The following EBF1 variants were observed in gnomAD, a reference collection of about 807,000 sequenced individuals.
EBF1 encodes EBF transcription factor 1.
A neutral mutation model predicts 68.4 loss-of-function variants in EBF1; 10 were observed. That is an observed-to-expected ratio of 0.15 (90% CI 0.09 to 0.25). EBF1 has a LOEUF of 0.25. EBF1 is among the 10% of genes least tolerant of loss of function. EBF1 has a pLI of 1.00. For missense variants in EBF1, 509 were observed against 794.4 expected, an observed-to-expected ratio of 0.64 and a Z score of 4.32; for synonymous variants, 298 against 299.8, an observed-to-expected ratio of 0.99 and a Z score of 0.06.
At chr5:159,023,369 C>G (rs1024494967) in intron 6 of EBF1, among the ~76,000 whole-genome samples, 7 of 152,080 alleles carry the variant, frequency 4.6e-5, no homozygotes, top group African/African-American at 1.7e-4. Context: ...CAGACTGAAC[C>G]AAGCAACGCC....
intron 10 of EBF1, among the ~76,000 whole-genome samples, chr5:158,744,436 C>T (rs769601658): frequency 1.3e-5 from 2 of 151,972 alleles, no homozygotes; most frequent in Non-Finnish European, 2.9e-5. Flanking sequence ...AGTCAAGCAA[C>T]CAACCAGGAG....
chr5:158,913,908 C>T (rs1424553652), intron 6 of EBF1, among the ~76,000 whole-genome samples: 1 of 152,212 alleles, frequency 6.6e-6, no homozygotes, highest in Admixed American at 6.5e-5. Flanking sequence ...CTACTTGAAA[C>T]CAGGTTAAAT....
chr5:158,722,243 G>T (rs1289487867), intron 11 of EBF1, among the ~76,000 whole-genome samples: 1 of 152,180 alleles, frequency 6.6e-6, no homozygotes, highest in African/African-American at 2.4e-5. Flanking sequence ...GTCAGCACAT[G>T]AAACAAAAAC....
chr5:158,798,353 A>G (rs1385194042), intron 8 of EBF1, among the ~76,000 whole-genome samples: 4 of 152,172 alleles, frequency 2.6e-5, no homozygotes, highest in African/African-American at 9.7e-5. Context: ...CACACAGATC[A>G]CAAAATGGTC....
intron 8 of EBF1, among the ~76,000 whole-genome samples, chr5:158,802,541 C>T (rs934224634): frequency 1.1e-4 from 16 of 152,262 alleles, no homozygotes; most frequent in African/African-American, 3.8e-4. Flanking sequence ...AAGCAGACCA[C>T]TGATGCTTAC....
At chr5:158,919,728 T>A (rs2127398068) in intron 6 of EBF1, among the ~76,000 whole-genome samples, 1 of 152,352 alleles carries the variant, frequency 6.6e-6, no homozygotes, top group Non-Finnish European at 1.5e-5. Context: ...GTTGCATTTA[T>A]TGATCAAACT....
intron 6 of EBF1, among the ~76,000 whole-genome samples, chr5:158,884,637 C>T (rs2128097690): frequency 6.6e-6 from 1 of 152,210 alleles, no homozygotes; most frequent in East Asian, 1.9e-4. Flanking sequence ...ACACACCCGA[C>T]TCAGCCTTTG....
In EBF1 at chr5:158,698,911, C is replaced by G; in HGVS notation, c.*200G>C. On this transcript the variant is annotated 3_prime_UTR_variant, in exon 16 of 16. Coordinates refer to ENST00000313708, the MANE Select transcript of EBF1 (RefSeq NM_024007.5). ...AAATACTTGGGAGGTACAACTTTAA[C>G]CAACACCCTGCACTTGCAGATCCCT... 2 of 457,838 alleles carry G rather than the reference C, an allele frequency of 4.4e-6. No individual in the cohort carries two copies. Among genetic ancestry groups the G allele is most frequent in the South Asian group, 6.0e-5 (1 of 16,678 alleles). 28.4% of individuals were successfully genotyped at this position (457,838 alleles called of 1,614,324 possible).
chr5:158,709,328 T>A (rs1339191302), intron 14 of EBF1, among the ~76,000 whole-genome samples: 2 of 85,106 alleles, frequency 2.4e-5, no homozygotes, highest in East Asian at 4.2e-4. Context: ...ATCACATATA[T>A]TTTTTTTTTT....
intron 7 of EBF1, among the ~76,000 whole-genome samples, chr5:158,829,581 G>A (rs1450000866): frequency 6.6e-6 from 1 of 152,022 alleles, no homozygotes; most frequent in Non-Finnish European, 1.5e-5. Context: ...GGAAACTGGG[G>A]GTTAGGGGAT....
Position 158,698,663 on chromosome 5 carries a change from C to CTTTTTTTTTTTTTTTT in EBF1, c.*447_*448insAAAAAAAAAAAAAAAA, listed in dbSNP as rs1357650531. ...AAGCTTTTTTTTTTTTCCTTTTTTT[C>CTTTTTTTTTTTTTTTT]TTTTTTTTTTTTTTTACTTTTTTGT... On this transcript the variant is annotated 3_prime_UTR_variant, in exon 16 of 16. Coordinates refer to ENST00000313708, the MANE Select transcript of EBF1 (RefSeq NM_024007.5). 6.6e-6 allele frequency: 1 copy of CTTTTTTTTTTTTTTTT among 151,348 alleles called. No homozygotes were observed. The highest frequency in any genetic ancestry group is 2.9e-5 in the African/African-American group (1 of 34,370). The allele number at this position is 151,348 out of a possible 1,614,324, so 9.4% of individuals were successfully genotyped here.
chr5:158,713,150 GAA>G lies in EBF1; in HGVS notation c.1192-5_1192-4del. The G allele has an allele frequency of 6.8e-7, 1 of 1,463,786 alleles. No individual in the cohort carries two copies. The highest frequency in any genetic ancestry group is 9.1e-7 in the Non-Finnish European group (1 of 1,097,938). 90.7% of individuals were successfully genotyped at this position (1,463,786 alleles called of 1,614,324 possible). A position where few individuals can be genotyped will look rare whatever the true frequency, so the allele number is the denominator to read the frequency against. On this transcript the variant is annotated splice_region_variant and splice_polypyrimidine_tract_variant and intron_variant, in intron 12 of 15. Transcript: ENST00000313708. ...GCCGCTCTCTTCAGAATGATTTCCTGAAAAGTCAAAGGAATATCCCCTTCAGC... is the reference window on the plus strand; with the variant it reads ...GCCGCTCTCTTCAGAATGATTTCCTGAAGTCAAAGGAATATCCCCTTCAGC...
chr5:158,727,516 C>T (rs904094963), intron 11 of EBF1, among the ~76,000 whole-genome samples: 4 of 152,172 alleles, frequency 2.6e-5, no homozygotes, highest in Non-Finnish European at 5.9e-5. Flanking sequence ...TCCTCCCCTT[C>T]CTGCCAGGAT....
At chr5:158,959,796 A>G (rs528064028) in intron 6 of EBF1, among the ~76,000 whole-genome samples, 1 of 152,332 alleles carries the variant, frequency 6.6e-6, no homozygotes, top group South Asian at 2.1e-4. Flanking sequence ...TCATTCATAT[A>G]CAAGAATAAA....
chr5:158,904,248 G>A (rs985304720), intron 6 of EBF1, among the ~76,000 whole-genome samples: 2 of 152,178 alleles, frequency 1.3e-5, no homozygotes, highest in Non-Finnish European at 2.9e-5. Context: ...CACAGTGCCT[G>A]CTTGAGAGGG....
At chr5:158,782,677 A>C (rs918866221) in intron 9 of EBF1, among the ~76,000 whole-genome samples, 22 of 152,220 alleles carry the variant, frequency 1.4e-4, no homozygotes, top group Admixed American at 1.4e-3. Flanking sequence ...TAATAAAATA[A>C]AATAAAATAA....
intron 10 of EBF1, among the ~76,000 whole-genome samples, chr5:158,737,285 T>C (rs1765402063): frequency 7.9e-6 from 1 of 127,232 alleles, no homozygotes; most frequent in Non-Finnish European, 1.7e-5. Context: ...TTTTTTTTTT[T>C]TTTTTTTTTT....
chr5:158,875,848 A>G (rs894097128), intron 6 of EBF1, among the ~76,000 whole-genome samples: 1 of 152,232 alleles, frequency 6.6e-6, no homozygotes, highest in Non-Finnish European at 1.5e-5. Context: ...TTGTTTTCCT[A>G]AAGTCAATTT....
intron 6 of EBF1, among the ~76,000 whole-genome samples, chr5:158,998,446 G>T (rs1761892707): frequency 6.6e-6 from 1 of 152,126 alleles, no homozygotes; most frequent in South Asian, 2.1e-4. Flanking sequence ...GAGGATGAGA[G>T]TTCCACAAGG....
Sources: allele counts gnomAD v4.1 joint callset (sites outside exome capture counted in the v4.1 genomes callset), GRCh38; gene constraint gnomAD v4.1.1; transcripts MANE v1.5; gene names NCBI Gene and HGNC (gene_info 2026-07-23, HGNC 2026-07-21).